The following ADHFE1 variants were observed in gnomAD, a reference collection of about 807,000 sequenced individuals.
ADHFE1 encodes the protein hydroxyacid-oxoacid transhydrogenase, mitochondrial.
A neutral mutation model predicts 54.8 loss-of-function variants in ADHFE1; 37 were observed. The observed-to-expected ratio is 0.68, with a 90% CI of 0.52 to 0.89. The LOEUF (loss-of-function observed/expected upper bound fraction) is 0.89. Among genes scored for constraint, ADHFE1 ranks in the 40% least tolerant of loss-of-function variants. The pLI, the probability that ADHFE1 is intolerant of heterozygous loss-of-function variation, is 0.00. For synonymous variants in ADHFE1, 203 were observed against 229.3 expected, an observed-to-expected ratio of 0.89 and a Z score of 1.04; for missense variants, 601 against 591.2, an observed-to-expected ratio of 1.02 and a Z score of -0.17.
intron 9 of ADHFE1, among the ~76,000 whole-genome samples, chr8:66,453,285 C>T (rs1806398438): frequency 6.6e-6 from 1 of 152,192 alleles, no homozygotes; most frequent in Non-Finnish European, 1.5e-5. Flanking sequence ...AACACCCAAC[C>T]ATTCCACATG....
rs1279383553 is a variant in ADHFE1, at chr8:66,444,684, C to G, written c.289C>G (p.Leu97Val). 5 of 1,614,048 alleles carry G rather than the reference C, an allele frequency of 3.1e-6. No individual in the cohort carries two copies. The highest frequency in any genetic ancestry group is 4.2e-6 in the Non-Finnish European group (5 of 1,180,028). Residue 97 changes from leucine (L) to valine (V), a missense_variant, in exon 5 of 14, where the codon CTA (leucine) becomes GTA (valine). Coordinates refer to ENST00000396623, the MANE Select transcript of ADHFE1 (RefSeq NM_144650.3). The stretch of plus-strand genomic sequence containing the variant: ...TCCTGTGCAAGTAGCTATGGATTCC[C>G]TAGTGAAGAATGGCATCCCCTTTAC... ...LPPVQVAMDS[L>V]VKNGIPFTVY... is the part of the protein sequence containing the mutation.
intron 8 of ADHFE1, among the ~76,000 whole-genome samples, chr8:66,450,971 G>A (rs192238505): frequency 6.6e-6 from 1 of 152,356 alleles, no homozygotes; most frequent in African/African-American, 2.4e-5. Context: ...AACGAAAACT[G>A]TAATTCATGC....
At chr8:66,449,009 T>C (rs1240772849) in intron 8 of ADHFE1, 39 bp downstream of exon 8, 16 of 1,530,700 alleles carry the variant, frequency 1.0e-5, no homozygotes, top group Non-Finnish European at 1.4e-5. Context: ...TTTTTAGTAC[T>C]GGGTCTATGG....
At chr8:66,463,248 T>G (rs1452536163) in intron 13 of ADHFE1, among the ~76,000 whole-genome samples, 1 of 152,228 alleles carries the variant, frequency 6.6e-6, no homozygotes, top group Non-Finnish European at 1.5e-5. Context: ...AATGCCTCAG[T>G]GCACATGCAA....
At chr8:66,458,238 A>C (rs1052190868) in intron 12 of ADHFE1, among the ~76,000 whole-genome samples, 1 of 152,144 alleles carries the variant, frequency 6.6e-6, no homozygotes, top group African/African-American at 2.4e-5. Context: ...TAAAAAGAAA[A>C]CTTCATTATG....
intron 8 of ADHFE1, among the ~76,000 whole-genome samples, chr8:66,451,549 C>G (rs1413005892): frequency 1.3e-5 from 2 of 152,032 alleles, no homozygotes; most frequent in Admixed American, 6.6e-5. Flanking sequence ...TAGCTATGAC[C>G]CACTTTTGGT....
chr8:66,432,821 C>T, intron 1 of ADHFE1: 1 of 1,225,510 alleles, frequency 8.2e-7, no homozygotes, highest in East Asian at 3.2e-5. Flanking sequence ...GAAACTGAGG[C>T]CCAGAGAGGA....
chr8:66,444,685 T>C lies in ADHFE1; in HGVS notation c.290T>C (p.Leu97Pro). Reference protein sequence around the residue: ...LPPVQVAMDSLVKNGIPFTVY... With the variant: ...LPPVQVAMDSPVKNGIPFTVY... Reference sequence around the variant, plus strand: ...CCTGTGCAAGTAGCTATGGATTCCCTAGTGAAGAATGGCATCCCCTTTACG... The same window carrying C: ...CCTGTGCAAGTAGCTATGGATTCCCCAGTGAAGAATGGCATCCCCTTTACG... The change falls in exon 5 of 14, where the codon CTA (leucine) becomes CCA (proline). Residue 97 changes from leucine to proline, a missense_variant. By Grantham distance (98) the Leu-to-Pro change is moderately conservative (BLOSUM62 -3). Transcript: ENST00000396623. The C allele has an allele frequency of 6.2e-7, 1 of 1,614,226 alleles. No individual in the cohort carries two copies. Among genetic ancestry groups the C allele is most frequent in the South Asian group, 1.1e-5 (1 of 91,080 alleles).
Position 66,449,120 on chromosome 8 carries a change from A to G in ADHFE1, c.734+150A>G, listed in dbSNP as rs191509207. The G allele has an allele frequency of 1.7e-4, 118 of 711,864 alleles. 1 individual carries two copies. The African/African-American group carries it at 1.8e-3, about 11-fold the overall frequency. The allele number at this position is 711,864 out of a possible 1,614,324, so 44.1% of individuals were successfully genotyped here. On this transcript the variant is annotated intron_variant, in intron 8 of 13. Coordinates refer to ENST00000396623, the MANE Select transcript of ADHFE1 (RefSeq NM_144650.3). Reference sequence around the variant, plus strand: ...CATTACCCCCTGTCCTAAATCAAACATTCAAGCTTTAGAGGTTGGTGACTA... The same window carrying G: ...CATTACCCCCTGTCCTAAATCAAACGTTCAAGCTTTAGAGGTTGGTGACTA...
Position 66,460,460 on chromosome 8 carries a change from C to T in ADHFE1, c.1315C>T (p.Pro439Ser). ...CCCCGCACTAGTGAAAGGAACGCTG[C>T]CCCAGGTAAGAGACCGGCAGGCTCC... ...DIPALVKGTLPQERVTKLAPC... is the reference protein window; with the variant it reads ...DIPALVKGTLSQERVTKLAPC... Residue 439 changes from proline to serine, a missense_variant, in exon 13 of 14, where the codon CCC becomes TCC. By Grantham distance (74) the Pro-to-Ser change is moderately conservative (BLOSUM62 -1). Transcript: ENST00000396623. The T allele has an allele frequency of 6.3e-7, 1 of 1,579,294 alleles. No homozygotes were observed. The highest frequency in any genetic ancestry group is 8.6e-7 in the Non-Finnish European group (1 of 1,156,302).
intron 8 of ADHFE1, 59 bp from the exon 9 acceptor site, chr8:66,451,894 A>G (rs1365219124): frequency 6.3e-7 from 1 of 1,583,890 alleles, no homozygotes; most frequent in Non-Finnish European, 8.6e-7. Context: ...TGTGATCTAA[A>G]TGGAGGGAAG....
At chr8:66,453,755 G>A (rs777933440) in intron 9 of ADHFE1, 18 of 1,391,388 alleles carry the variant, frequency 1.3e-5, no homozygotes, top group African/African-American at 4.4e-5. Context: ...TGAGTCTCAG[G>A]GCACCTTCCT....
intron 1 of ADHFE1, 175 bp downstream of exon 1, chr8:66,432,750 G>A (rs190856077): frequency 8.1e-7 from 1 of 1,231,202 alleles, no homozygotes; most frequent in East Asian, 3.2e-5. Flanking sequence ...GTCACAGAGT[G>A]CGCGATGCAG....
chr8:66,448,984 C>A lies in ADHFE1; in HGVS notation c.734+14C>A. 1 of 1,610,834 alleles carries A rather than the reference C, an allele frequency of 6.2e-7. No individual in the cohort carries two copies. The highest frequency in any genetic ancestry group is 8.5e-7 in the Non-Finnish European group (1 of 1,177,376). Reference sequence around the variant, plus strand: ...TGATGTGCTTTGGTAAGTGCTGGTGCCTCCTGGAGGGGCTTTTTTAGTACT... The same window carrying A: ...TGATGTGCTTTGGTAAGTGCTGGTGACTCCTGGAGGGGCTTTTTTAGTACT... On this transcript the variant is annotated intron_variant, in intron 8 of 13. Coordinates refer to ENST00000396623, the MANE Select transcript of ADHFE1 (RefSeq NM_144650.3).
chr8:66,464,764 T>C (rs1807081087), intron 13 of ADHFE1, among the ~76,000 whole-genome samples: 1 of 152,214 alleles, frequency 6.6e-6, no homozygotes. Context: ...TGCCATGCCA[T>C]TAAATACATG....
intron 12 of ADHFE1, among the ~76,000 whole-genome samples, chr8:66,457,479 CAA>C (rs34484813): frequency 1.1e-4 from 14 of 130,208 alleles, no homozygotes; most frequent in South Asian, 2.5e-4. Flanking sequence ...CTCTCTCTCT[CAA>C]AAAAAAAAAA....
chr8:66,439,718 C>G lies in ADHFE1; in HGVS notation c.60-444C>G. ...GAAGAAAAATTAGACATCTTGAAGA[C>G]ACTGGGAAATATATAAGGCAAGTTC... On this transcript the variant is annotated intron_variant, in intron 1 of 13. Coordinates refer to ENST00000396623, the MANE Select transcript of ADHFE1 (RefSeq NM_144650.3). The surrounding 1 kb of genome is among the most constrained non-coding windows in gnomAD (Gnocchi z 4.4). 1 of 991,610 alleles carries G rather than the reference C, an allele frequency of 1.0e-6. No homozygotes were observed. Among genetic ancestry groups the G allele is most frequent in the Non-Finnish European group, 1.2e-6 (1 of 834,202 alleles). The allele number at this position is 991,610 out of a possible 1,614,324, so 61.4% of individuals were successfully genotyped here.
At chr8:66,440,002 G>A (rs1450200382) in intron 1 of ADHFE1, among the ~76,000 whole-genome samples, 160 bp from the exon 2 acceptor site, 1 of 152,096 alleles carries the variant, frequency 6.6e-6, no homozygotes, top group Non-Finnish European at 1.5e-5. Context: ...GTGATTTCTG[G>A]GTCTATATAT....
intron 13 of ADHFE1, among the ~76,000 whole-genome samples, chr8:66,461,089 T>G (rs1806874023): frequency 6.6e-6 from 1 of 152,222 alleles, no homozygotes; most frequent in African/African-American, 2.4e-5. Flanking sequence ...GAGGTTCTCA[T>G]GAAGAACTCT....
Sources: allele counts gnomAD v4.1 joint callset (sites outside exome capture counted in the v4.1 genomes callset), GRCh38; gene constraint gnomAD v4.1.1; non-coding constraint Gnocchi (gnomAD v3.1); transcripts MANE v1.5; gene names NCBI Gene and HGNC (gene_info 2026-07-23, HGNC 2026-07-21).